The following DHX34 variants were observed in gnomAD, a reference collection of about 807,000 sequenced individuals.
DHX34 encodes DExH-box helicase 34, also known as probable ATP-dependent RNA helicase DHX34.
In DHX34, 96 loss-of-function variants were observed where a neutral mutation model predicts 111.1. That is an observed-to-expected ratio of 0.86 (90% CI 0.73 to 1.02). The LOEUF is 1.02. Among genes scored for constraint, DHX34 ranks in the 50% least tolerant of loss-of-function variants. The pLI is 0.00. For synonymous variants in DHX34, 688 were observed against 670.4 expected, an observed-to-expected ratio of 1.03 and a Z score of -0.41; for missense variants, 1,560 against 1,579.9, an observed-to-expected ratio of 0.99 and a Z score of 0.21.
chr19:47,382,048 G>T lies in DHX34; in HGVS notation c.3367G>T (p.Ala1123Ser). ...CCTGCAGAGGCCCTACCACTGCGAG[G>T]CCTGCGGGAAGGACTTCCTCTTTAC... ...SVLQRPYHCEACGKDFLFTPT... is the reference protein window; with the variant it reads ...SVLQRPYHCESCGKDFLFTPT... Residue 1123 changes from alanine to serine, a missense_variant, in exon 17 of 17, where the codon GCC becomes TCC. Coordinates refer to ENST00000328771, the MANE Select transcript of DHX34 (RefSeq NM_014681.6). 1 of 1,614,112 alleles carries T rather than the reference G, an allele frequency of 6.2e-7. No individual in the cohort carries two copies. The highest frequency in any genetic ancestry group is 8.5e-7 in the Non-Finnish European group (1 of 1,180,010).
rs1970289603 is a variant in DHX34, at chr19:47,379,701, CT to C, written c.2707-8del. 2 of 1,587,722 alleles carry C rather than the reference CT, an allele frequency of 1.3e-6. No individual in the cohort carries two copies. The highest frequency in any genetic ancestry group is 2.7e-5 in the African/African-American group (2 of 74,538). ...ACCTACTCCCTGTCTTCTGCCCCCT[CT>C]CTTTCAGTCCCTCCTGCTTTTTAGC... On this transcript the variant is annotated splice_polypyrimidine_tract_variant and splice_region_variant and intron_variant, in intron 13 of 16. Coordinates refer to ENST00000328771, the MANE Select transcript of DHX34 (RefSeq NM_014681.6).
At position 47,376,473 on chromosome 19, in the gene DHX34, G is replaced by A. The variant is rs143455169; in HGVS notation, c.2512G>A (p.Val838Met). 1.2e-5 allele frequency: 19 copies of A among 1,611,220 alleles called. No individual in the cohort carries two copies. The highest frequency in any genetic ancestry group is 4.4e-5 in the South Asian group (4 of 90,490). Residue 838 changes from valine to methionine, a missense_variant, in exon 12 of 17, where the codon GTG (valine) becomes ATG (methionine). Coordinates refer to ENST00000328771, the MANE Select transcript of DHX34 (RefSeq NM_014681.6). ...IFHTQAKQGA[V>M]LHPTCVFAGS... is the part of the protein sequence containing the mutation. ...CCACACGCAGGCCAAGCAGGGCGCC[G>A]TGCTGCACCCCACCTGCGTCTTCGC...
chr19:47,373,054 G>C, intron 8 of DHX34, 131 bp downstream of exon 8: 1 of 1,221,034 alleles, frequency 8.2e-7, no homozygotes, highest in Non-Finnish European at 1.1e-6. Flanking sequence ...CACAGACTGG[G>C]CCTGCCTGGG....
Position 47,373,177 on chromosome 19 carries a change from G to C in DHX34, c.1962+254G>C, listed in dbSNP as rs112115164. ...CACTGATGAAAACCTGTGCCACCTG[G>C]AGAAAGTCCAGGCTCCTTGGGAGGC... is the stretch of plus-strand genomic sequence containing the variant. On this transcript the variant is annotated intron_variant, in intron 8 of 16. Transcript: ENST00000328771. Among the ~76,000 whole-genome samples the C allele has an allele frequency of 1.2e-3, 190 of 152,362 alleles. 1 individual carries two copies. Among genetic ancestry groups the C allele is most frequent in the African/African-American group, 4.4e-3 (181 of 41,590 alleles).
chr19:47,361,390 C>T (rs1025594837), intron 5 of DHX34, among the ~76,000 whole-genome samples: 13 of 151,538 alleles, frequency 8.6e-5, no homozygotes, highest in Non-Finnish European at 1.8e-4. Flanking sequence ...CCCAGGAAAT[C>T]GAGGCTGCAG....
At chr19:47,366,817 G>T in intron 6 of DHX34, 164 bp from the exon 7 acceptor site, 11 of 980,744 alleles carry the variant, frequency 1.1e-5, no homozygotes, top group Non-Finnish European at 1.3e-5. Context: ...CAAGTGATCC[G>T]CTTGCCTTGG....
rs764848134 is a variant in DHX34, at chr19:47,353,091, G to A, written c.61G>A (p.Glu21Lys). ...CCGAGACCACCACCGGGCTCCCAGC[G>A]AGGAAGAGGCCTTGGAGAAATGGGA... ...DRRDHHRAPS[E>K]EEALEKWDWN... is the part of the protein sequence containing the mutation. The change falls in exon 2 of 17, where the codon GAG (glutamate) becomes AAG (lysine). Residue 21 changes from glutamate (E) to lysine (K), a missense_variant. Transcript: ENST00000328771. This position sits in a 1 kb window ranked among gnomAD's most constrained non-coding sequence, Gnocchi z 4.6. The A allele has an allele frequency of 8.7e-6, 14 of 1,614,030 alleles. No individual in the cohort carries two copies. Among genetic ancestry groups the A allele is most frequent in the Admixed American group, 5.0e-5 (3 of 59,968 alleles).
chr19:47,359,607 C>G (rs1969562676), intron 4 of DHX34, among the ~76,000 whole-genome samples: 1 of 152,112 alleles, frequency 6.6e-6, no homozygotes. Context: ...CATGGTGAGA[C>G]CCCGTCTCTA....
At position 47,381,182 on chromosome 19, in the gene DHX34, A is replaced by G. The variant is rs773377743; in HGVS notation, c.3160-4A>G. ...GCCCAGCCCTGACAGCTGGCCTGCC[A>G]CAGAATGACACAGACCTGTACAGCG... On this transcript the variant is annotated splice_polypyrimidine_tract_variant and splice_region_variant and intron_variant, in intron 15 of 16. Transcript: ENST00000328771. The G allele has an allele frequency of 5.0e-6, 8 of 1,612,790 alleles. No homozygotes were observed. In the African/African-American group the frequency reaches 6.7e-5, roughly 13 times the overall value.
At position 47,375,673 on chromosome 19, in the gene DHX34, G is replaced by GCC; in HGVS notation, c.2278_2279dup (p.Gly761GlnfsTer12). The GCC allele has an allele frequency of 6.4e-7, 1 of 1,557,304 alleles. No individual in the cohort carries two copies. On this transcript the variant is annotated frameshift_variant, in exon 10 of 17. Coordinates refer to ENST00000328771, the MANE Select transcript of DHX34 (RefSeq NM_014681.6). LOFTEE classifies it high-confidence loss of function. Reference sequence around the variant, plus strand: ...CAGTGACGAGGACAGGGCTGGCCCAGCCCCCCCAGGGGCCAGTGATGGCGT... The same window carrying GCC: ...CAGTGACGAGGACAGGGCTGGCCCAGCCCCCCCCCAGGGGCCAGTGATGGCGT...
intron 4 of DHX34, among the ~76,000 whole-genome samples, chr19:47,358,816 A>C (rs1021895160): frequency 6.6e-6 from 1 of 152,076 alleles, no homozygotes; most frequent in Non-Finnish European, 1.5e-5. Flanking sequence ...GGGTTTCGCC[A>C]TGTTGGCCAG....
rs1969348788 is a variant in DHX34 at position 47,353,372 on chromosome 19, C to T, written c.342C>T (p.Ala114=). ...YRINLSVLGP[A]TRGSQGLGRH... ...TCAACCTCTCTGTTCTTGGCCCTGC[C>T]ACGCGGGGCTCTCAGGGACTGGGCA... Residue 114 remains alanine (A), a synonymous_variant, in exon 2 of 17, where the codon GCC becomes GCT. Coordinates refer to ENST00000328771, the MANE Select transcript of DHX34 (RefSeq NM_014681.6). The surrounding 1 kb of genome is among the most constrained non-coding windows in gnomAD (Gnocchi z 4.6). 7 of 1,614,084 alleles carry T rather than the reference C, an allele frequency of 4.3e-6. No homozygotes were observed. The highest frequency in any genetic ancestry group is 1.6e-4 in the Middle Eastern group (1 of 6,084).
At chr19:47,381,582 T>C in intron 16 of DHX34, 1 of 597,136 alleles carries the variant, frequency 1.7e-6, no homozygotes, top group Non-Finnish European at 2.9e-6. Context: ...TGTTTCTGTC[T>C]CTCTGTGGCT....
intron 4 of DHX34, among the ~76,000 whole-genome samples, chr19:47,358,591 T>C (rs1969532333): frequency 6.6e-6 from 1 of 151,544 alleles, no homozygotes; most frequent in Non-Finnish European, 1.5e-5. Flanking sequence ...GTAGCAACTA[T>C]AGGTGTGTGT....
intron 8 of DHX34, 135 bp from the exon 9 acceptor site, chr19:47,373,464 C>A (rs1599770355): frequency 6.9e-7 from 1 of 1,452,696 alleles, no homozygotes; most frequent in East Asian, 2.5e-5. Context: ...GGAGGGGGCA[C>A]TGGGGCTGAG....
At chr19:47,364,436 A>T (rs895959919) in intron 6 of DHX34, among the ~76,000 whole-genome samples, 10 of 148,068 alleles carry the variant, frequency 6.8e-5, no homozygotes, top group African/African-American at 2.2e-4. Context: ...TTCATCTTTT[A>T]AAAAAAAAAA....
intron 7 of DHX34, among the ~76,000 whole-genome samples, chr19:47,372,378 C>G (rs1182716643): frequency 6.6e-6 from 1 of 151,928 alleles, no homozygotes; most frequent in East Asian, 1.9e-4. Flanking sequence ...AGAGCAAAGA[C>G]CAAGCCAGGG....
intron 6 of DHX34, among the ~76,000 whole-genome samples, chr19:47,365,229 GTTATTTATTTAT>G (rs369713446): frequency 3.3e-4 from 48 of 145,386 alleles, no homozygotes; most frequent in East Asian, 8.2e-4. Flanking sequence ...TAATGTAAAG[GTTATTTATTTAT>G]TTATTTATTT....
intron 6 of DHX34, among the ~76,000 whole-genome samples, chr19:47,363,086 G>A (rs1040137869): frequency 2.0e-5 from 3 of 152,020 alleles, no homozygotes; most frequent in African/African-American, 7.2e-5. Flanking sequence ...TAGTAGCTGG[G>A]ACTACAGGTG....
Sources: allele counts gnomAD v4.1 joint callset (sites outside exome capture counted in the v4.1 genomes callset), GRCh38; gene constraint gnomAD v4.1.1; non-coding constraint Gnocchi (gnomAD v3.1); transcripts MANE v1.5; gene names NCBI Gene and HGNC (gene_info 2026-07-23, HGNC 2026-07-21).